Variants in SLC39A11 observed in about 807,000 individuals in gnomAD.
SLC39A11 encodes solute carrier family 39 member 11.
A neutral mutation model predicts 36.1 loss-of-function variants in SLC39A11; 33 were observed. The observed-to-expected ratio is 0.91, with a 90% CI of 0.69 to 1.22. The LOEUF (loss-of-function observed/expected upper bound fraction) is 1.22. Ranked by LOEUF, SLC39A11 falls within the 50% of genes most tolerant of loss-of-function variation. The pLI is 0.00. For synonymous variants in SLC39A11, 166 were observed against 170.3 expected, an observed-to-expected ratio of 0.97 and a Z score of 0.20; for missense variants, 432 against 430.3, an observed-to-expected ratio of 1.00 and a Z score of -0.03.
At chr17:72,705,918 A>C (rs1241416867) in intron 7 of SLC39A11, among the ~76,000 whole-genome samples, 1 of 152,202 alleles carries the variant, frequency 6.6e-6, no homozygotes, top group Non-Finnish European at 1.5e-5. Flanking sequence ...AGATCAAGGA[A>C]GCACATTTCT....
At chr17:72,659,103 T>C (rs964926523) in intron 7 of SLC39A11, among the ~76,000 whole-genome samples, 1 of 152,156 alleles carries the variant, frequency 6.6e-6, no homozygotes, top group African/African-American at 2.4e-5. Flanking sequence ...CAGGAGTCAC[T>C]CCAGAGTCAA....
intron 6 of SLC39A11, among the ~76,000 whole-genome samples, chr17:72,776,277 A>G (rs2076127614): frequency 6.6e-6 from 1 of 152,204 alleles, no homozygotes; most frequent in Admixed American, 6.5e-5. Context: ...AGTGTAAACC[A>G]TCCAGGATCA....
At chr17:73,024,864 A>ATTTTTTT (rs1163840820) in intron 4 of SLC39A11, among the ~76,000 whole-genome samples, 98 of 97,862 alleles carry the variant, frequency 1.0e-3, no homozygotes, top group African/African-American at 2.8e-3. Flanking sequence ...TGCCCAGCTA[A>ATTTTTTT]TTTTTTTTTT....
Position 72,777,896 on chromosome 17 carries a change from T to C in SLC39A11, c.602-41177A>G, listed in dbSNP as rs1053647849. Among the ~76,000 whole-genome samples the C allele has an allele frequency of 1.5e-4, 22 of 149,780 alleles. 1 individual carries two copies. Among genetic ancestry groups the C allele is most frequent in the African/African-American group, 4.7e-4 (19 of 40,084 alleles). ...ATGTATGTATGTATGTATGTATGTA[T>C]GTACGTACATACTTACTTACTTATT... On this transcript the variant is annotated intron_variant, in intron 6 of 9. Coordinates refer to ENST00000255559, the MANE Select transcript of SLC39A11 (RefSeq NM_139177.4).
intron 5 of SLC39A11, among the ~76,000 whole-genome samples, chr17:72,899,925 A>G (rs558167311): frequency 2.6e-5 from 4 of 151,066 alleles, no homozygotes; most frequent in South Asian, 2.1e-4. Context: ...TCACACCACT[A>G]TATTCCAGCC....
intron 7 of SLC39A11, among the ~76,000 whole-genome samples, chr17:72,656,785 T>C (rs984735008): frequency 9.9e-5 from 15 of 152,064 alleles, no homozygotes; most frequent in African/African-American, 2.4e-4. Context: ...CCATCCAGCA[T>C]TGGGGGAATC....
chr17:72,702,451 A>AC (rs1177381572), intron 7 of SLC39A11, among the ~76,000 whole-genome samples: 6 of 151,810 alleles, frequency 4.0e-5, no homozygotes, highest in South Asian at 2.1e-4. Context: ...TGCACAGGGC[A>AC]CCCCCCGCCT....
chr17:73,047,738 C>T (rs1171890308), intron 3 of SLC39A11, among the ~76,000 whole-genome samples: 12 of 151,540 alleles, frequency 7.9e-5, no homozygotes, highest in Admixed American at 6.6e-4. Flanking sequence ...TAGGCTGAAG[C>T]GGGCAGATCA....
chr17:72,743,195 G>C (rs181657254), intron 6 of SLC39A11, among the ~76,000 whole-genome samples: 356 of 152,258 alleles, frequency 2.3e-3, no homozygotes, highest in East Asian at 4.4e-3. Flanking sequence ...GACCCAGCTG[G>C]GGGGGCTAGA....
At chr17:72,924,516 G>C (rs2083915505) in intron 5 of SLC39A11, among the ~76,000 whole-genome samples, 1 of 152,090 alleles carries the variant, frequency 6.6e-6, no homozygotes, top group South Asian at 2.1e-4. Flanking sequence ...CCCCAAAAGA[G>C]ACACCAGCCT....
At chr17:73,019,242 C>T (rs1448689205) in intron 4 of SLC39A11, among the ~76,000 whole-genome samples, 1 of 152,174 alleles carries the variant, frequency 6.6e-6, no homozygotes, top group East Asian at 1.9e-4. Flanking sequence ...CTACTGAGGA[C>T]TGTCACTGAA....
At chr17:72,784,324 AAG>A (rs1043089478) in intron 6 of SLC39A11, among the ~76,000 whole-genome samples, 1 of 152,084 alleles carries the variant, frequency 6.6e-6, no homozygotes, top group Non-Finnish European at 1.5e-5. Flanking sequence ...CAGCCTGGGC[AAG>A]AGAGAGAGAC....
intron 7 of SLC39A11, among the ~76,000 whole-genome samples, chr17:72,716,480 G>C (rs1306940184): frequency 6.6e-6 from 1 of 151,858 alleles, no homozygotes; most frequent in East Asian, 1.9e-4. Context: ...CTCTCCCATG[G>C]GCCAGCGTCT....
chr17:72,990,247 T>C (rs796210147), intron 4 of SLC39A11, among the ~76,000 whole-genome samples: 2 of 152,240 alleles, frequency 1.3e-5, no homozygotes, highest in African/African-American at 4.8e-5. Flanking sequence ...TTACAAACCC[T>C]AAGACTGCCG....
intron 5 of SLC39A11, among the ~76,000 whole-genome samples, chr17:72,861,672 T>TATC (rs1449140132): frequency 8.6e-6 from 1 of 115,824 alleles, no homozygotes; most frequent in African/African-American, 3.5e-5. Context: ...TATATATATA[T>TATC]ATATATATAT....
At chr17:72,785,531 T>C (rs1345302962) in intron 6 of SLC39A11, among the ~76,000 whole-genome samples, 2 of 152,204 alleles carry the variant, frequency 1.3e-5, no homozygotes, top group Non-Finnish European at 1.5e-5. Context: ...AGATGGTTCA[T>C]GATGTCACTT....
At chr17:72,781,046 A>C (rs184204401) in intron 6 of SLC39A11, among the ~76,000 whole-genome samples, 31 of 152,348 alleles carry the variant, frequency 2.0e-4, no homozygotes, top group African/African-American at 7.2e-4. Flanking sequence ...GTCCACACTC[A>C]TCATCTCAGC....
At chr17:72,887,767 G>A (rs2081507229) in intron 5 of SLC39A11, among the ~76,000 whole-genome samples, 1 of 146,406 alleles carries the variant, frequency 6.8e-6, no homozygotes, top group African/African-American at 2.6e-5. Context: ...ATGCTTGCCT[G>A]GACTCCAGCA....
chr17:72,755,420 A>G (rs904314191), intron 6 of SLC39A11, among the ~76,000 whole-genome samples: 6 of 152,238 alleles, frequency 3.9e-5, no homozygotes, highest in African/African-American at 1.4e-4. Flanking sequence ...TAAAACCCAC[A>G]TACAAAAGCA....
Sources: allele counts gnomAD v4.1 joint callset (sites outside exome capture counted in the v4.1 genomes callset), GRCh38; gene constraint gnomAD v4.1.1; transcripts MANE v1.5; gene names NCBI Gene and HGNC (gene_info 2026-07-23, HGNC 2026-07-21).